The following BABAM2 variants were observed in gnomAD, a reference collection of about 807,000 sequenced individuals.
BABAM2 encodes the protein BRISC and BRCA1 A complex member 2.
A neutral mutation model predicts 54.7 loss-of-function variants in BABAM2; 31 were observed. The observed-to-expected ratio is 0.57, with a 90% CI of 0.43 to 0.77. BABAM2 has a LOEUF of 0.77. Ranked by LOEUF, BABAM2 falls within the 30% of genes least tolerant of loss-of-function variation. The pLI is 0.00. For synonymous variants in BABAM2, 167 were observed against 162.9 expected (o/e 1.03, Z -0.19); for missense variants, 364 against 455.8 (o/e 0.80, Z 1.83).
chr2:28,338,628 A>C lies in BABAM2; in HGVS notation c.*115A>C. On this transcript the variant is annotated 3_prime_UTR_variant, in exon 12 of 12. Transcript: ENST00000379624. ...GTCTTCACGGCAGCGTTTTGCTCAC[A>C]CAGCAGCTTTTGCACGCCCCAGGCA... 2.3e-6 allele frequency: 3 copies of C among 1,314,328 alleles called. No individual in the cohort carries two copies. In the Admixed American group the frequency reaches 5.2e-5, roughly 23 times the overall value. The allele number at this position is 1,314,328 out of a possible 1,614,324, so 81.4% of individuals were successfully genotyped here. A position where few individuals can be genotyped will look rare whatever the true frequency, so the allele number is the denominator to read the frequency against.
chr2:28,048,419 C>G (rs1237970613), intron 6 of BABAM2, among the ~76,000 whole-genome samples: 6 of 152,158 alleles, frequency 3.9e-5, no homozygotes, highest in African/African-American at 1.4e-4. Context: ...AAGATGAAGT[C>G]TGATTTCAGA....
At chr2:28,261,666 C>T (rs1684550562) in intron 10 of BABAM2, among the ~76,000 whole-genome samples, 1 of 152,072 alleles carries the variant, frequency 6.6e-6, no homozygotes, top group Non-Finnish European at 1.5e-5. Context: ...TGTATATGAT[C>T]ATGTCATCTG....
chr2:28,238,778 G>A (rs573641945), intron 8 of BABAM2, among the ~76,000 whole-genome samples: 6 of 152,154 alleles, frequency 3.9e-5, no homozygotes, highest in South Asian at 2.1e-4. Context: ...CTTCTAGAAC[G>A]GAGAAGAAAA....
At chr2:28,215,706 T>C (rs186779473) in intron 7 of BABAM2, among the ~76,000 whole-genome samples, 1 of 152,322 alleles carries the variant, frequency 6.6e-6, no homozygotes, top group East Asian at 1.9e-4. Flanking sequence ...TCTGTCTTTC[T>C]CACTCCCTGT....
intron 11 of BABAM2, chr2:28,327,211 T>A: frequency 1.3e-6 from 2 of 1,529,410 alleles, no homozygotes; most frequent in Non-Finnish European, 1.8e-6. Context: ...GACTACCCTG[T>A]CCCTCCCTCC....
intron 7 of BABAM2, among the ~76,000 whole-genome samples, chr2:28,138,428 T>C (rs1262356496): frequency 1.3e-5 from 2 of 152,196 alleles, no homozygotes; most frequent in Admixed American, 6.5e-5. Context: ...ATGAGAGCCA[T>C]AGACTTCACC....
chr2:28,127,611 T>A (rs1293011517), intron 6 of BABAM2, among the ~76,000 whole-genome samples: 3 of 152,074 alleles, frequency 2.0e-5, no homozygotes, highest in Non-Finnish European at 2.9e-5. Flanking sequence ...GTGGTTCTTG[T>A]CCCTGTGTAT....
chr2:28,255,435 G>T (rs550392103), intron 10 of BABAM2, among the ~76,000 whole-genome samples: 1 of 151,944 alleles, frequency 6.6e-6, no homozygotes, highest in East Asian at 1.9e-4. Context: ...CGTCATGCCC[G>T]GCTAATTTTT....
chr2:28,166,782 A>G (rs556008456), intron 7 of BABAM2, among the ~76,000 whole-genome samples: 8 of 152,170 alleles, frequency 5.3e-5, no homozygotes, highest in South Asian at 2.1e-4. Context: ...GTGCTTCTCT[A>G]TCTCTTTTTG....
chr2:27,996,197 C>G (rs777988037), intron 4 of BABAM2, among the ~76,000 whole-genome samples: 37 of 152,180 alleles, frequency 2.4e-4, no homozygotes, highest in Non-Finnish European at 4.6e-4. Context: ...TACAGAGGCT[C>G]CAGATAACGC....
intron 11 of BABAM2, among the ~76,000 whole-genome samples, chr2:28,331,048 C>A (rs1326270486): frequency 6.6e-6 from 1 of 152,062 alleles, no homozygotes; most frequent in African/African-American, 2.4e-5. Context: ...TTTCAACAAA[C>A]CTGACAAAAA....
Position 28,244,825 on chromosome 2 carries a change from G to A in BABAM2, c.897G>A (p.Leu299=). ...CAGAAGGCTTTACAAAACTCACTCT[G>A]CTGCTGATGTGGAAAGATTTTTGTT... ...YDAEGFTKLT[L]LLMWKDFCFL... is the part of the protein sequence containing the mutation. The change falls in exon 10 of 12, where the codon CTG becomes CTA. Residue 299 remains leucine, a synonymous_variant. Transcript: ENST00000379624. The A allele has an allele frequency of 6.2e-7, 1 of 1,613,978 alleles. No individual in the cohort carries two copies. The highest frequency in any genetic ancestry group is 8.5e-7 in the Non-Finnish European group (1 of 1,179,974).
At chr2:28,221,858 T>TG (rs1680447918) in intron 7 of BABAM2, among the ~76,000 whole-genome samples, 1 of 152,208 alleles carries the variant, frequency 6.6e-6, no homozygotes. Flanking sequence ...GTTCAGGCAA[T>TG]GAGCATGCCT....
At chr2:28,270,988 C>T (rs1685376619) in intron 10 of BABAM2, among the ~76,000 whole-genome samples, 1 of 152,190 alleles carries the variant, frequency 6.6e-6, no homozygotes, top group Non-Finnish European at 1.5e-5. Context: ...GGCAGGTCTA[C>T]ATGAGATGCA....
At chr2:28,110,792 C>T (rs922867633) in intron 6 of BABAM2, among the ~76,000 whole-genome samples, 1 of 152,006 alleles carries the variant, frequency 6.6e-6, no homozygotes, top group Non-Finnish European at 1.5e-5. Flanking sequence ...TACTGTTTTC[C>T]ATAGCAGCGA....
intron 6 of BABAM2, among the ~76,000 whole-genome samples, chr2:28,060,479 G>T (rs1267196399): frequency 2.0e-5 from 3 of 152,004 alleles, no homozygotes; most frequent in African/African-American, 4.8e-5. Context: ...ATTCAGTACT[G>T]GGGGGGCCTG....
Position 28,175,390 on chromosome 2 carries a change from G to A in BABAM2, c.680+46010G>A, listed in dbSNP as rs75901464. Among the ~76,000 whole-genome samples, 12 of 152,286 alleles carry A rather than the reference G, an allele frequency of 7.9e-5. No homozygotes were observed. The East Asian group carries it at 2.1e-3, about 27-fold the overall frequency. ...CCATAGCCTGCACAGGAGGCCCTGA[G>A]TACAAGCCCAACCAGCCTGGCACTG... is the stretch of plus-strand genomic sequence containing the variant. On this transcript the variant is annotated intron_variant, in intron 7 of 11. Transcript: ENST00000379624.
In BABAM2 at chr2:27,974,977, C is replaced by T. The variant is rs532691054; in HGVS notation, c.206-13016C>T. On this transcript the variant is annotated intron_variant, in intron 3 of 11. Coordinates refer to ENST00000379624, the MANE Select transcript of BABAM2 (RefSeq NM_199191.3). ...AGAAACAGAAAGTTAAAAAATAGTA[C>T]CAATTATAATACCTTCCTGCCAAAA... is the stretch of plus-strand genomic sequence containing the variant. Among the ~76,000 whole-genome samples, 7 of 151,804 alleles carry T rather than the reference C, an allele frequency of 4.6e-5. No homozygotes were observed. In the South Asian group the frequency reaches 1.0e-3, roughly 23 times the overall value.
chr2:28,310,955 G>T (rs1192656035), intron 11 of BABAM2, among the ~76,000 whole-genome samples: 1 of 151,536 alleles, frequency 6.6e-6, no homozygotes, highest in Non-Finnish European at 1.5e-5. Flanking sequence ...TAACTCAGGT[G>T]TGCCCTTTCA....
Sources: gnomAD v4.1 joint callset for allele counts (sites outside exome capture counted in the v4.1 genomes callset) on GRCh38, gnomAD v4.1.1 for gene constraint, MANE v1.5 for transcripts, NCBI Gene and HGNC (gene_info 2026-07-23, HGNC 2026-07-21) for gene names.